Variants in EML4 observed in about 807,000 individuals in gnomAD.
The protein encoded by EML4 is EMAP like 4.
In EML4, 72 loss-of-function variants were observed where a neutral mutation model predicts 129.0. The observed-to-expected ratio is 0.56, with a 90% CI of 0.46 to 0.68. The LOEUF is 0.68. Ranked by LOEUF, EML4 falls within the 30% of genes least tolerant of loss-of-function variation. The probability of loss-of-function intolerance (pLI) is 0.00; values close to 1 mark genes in which losing one functional copy is unlikely to be tolerated. For synonymous variants in EML4, 532 were observed against 405.0 expected (o/e 1.31, Z -3.77); for missense variants, 1,363 against 1,190.6 (o/e 1.14, Z -2.13).
At chr2:42,195,054 A>G (rs960953231) in intron 1 of EML4, among the ~76,000 whole-genome samples, 3 of 152,192 alleles carry the variant, frequency 2.0e-5, no homozygotes, top group African/African-American at 4.8e-5. Context: ...AAGTAGTTGC[A>G]TGGTTAGCTA....
chr2:42,246,687 G>T (rs537539306), intron 2 of EML4, among the ~76,000 whole-genome samples: 1 of 152,310 alleles, frequency 6.6e-6, no homozygotes, highest in East Asian at 1.9e-4. Context: ...AAGAATTTGG[G>T]AATGTTCCTC....
At chr2:42,270,671 G>A (rs1199636372) in intron 6 of EML4, among the ~76,000 whole-genome samples, 1 of 152,194 alleles carries the variant, frequency 6.6e-6, no homozygotes, top group South Asian at 2.1e-4. Context: ...TATTGAGAGG[G>A]TGTATATTGT....
intron 11 of EML4, among the ~76,000 whole-genome samples, chr2:42,293,144 C>T (rs576241337): frequency 3.9e-5 from 6 of 151,928 alleles, no homozygotes; most frequent in African/African-American, 1.4e-4. Flanking sequence ...GGGTCTCACG[C>T]GTCACCCAGG....
chr2:42,284,614 T>C lies in EML4; in HGVS notation c.942-20T>C, dbSNP rs6544530. 2.3e-3 allele frequency: 3,609 copies of C among 1,589,818 alleles called. 62 individuals carry two copies. The African/African-American group carries it at 0.04, about 18-fold the overall frequency. ...TTCATGTTTCCTGTGTTTAAAATCA[T>C]TCTTAATACTGCTTTTTAGCCTTGC... On this transcript the variant is annotated intron_variant, in intron 8 of 22. Coordinates refer to ENST00000318522, the MANE Select transcript of EML4 (RefSeq NM_019063.5).
chr2:42,298,717 T>C (rs1303788266), intron 13 of EML4, among the ~76,000 whole-genome samples: 1 of 152,134 alleles, frequency 6.6e-6, no homozygotes, highest in East Asian at 1.9e-4. Flanking sequence ...CAGTTTTCCA[T>C]CATTCTGGGA....
rs1670023638 is a variant in EML4, at chr2:42,330,084, G to A, written c.2823G>A (p.Glu941=). 1 of 1,613,050 alleles carries A rather than the reference G, an allele frequency of 6.2e-7. No homozygotes were observed. Among genetic ancestry groups the A allele is most frequent in the South Asian group, 1.1e-5 (1 of 90,996 alleles). Residue 941 remains glutamate (E), a synonymous_variant, in exon 23 of 23, where the codon GAG becomes GAA. Transcript: ENST00000318522. ...VEPSEDHSEE[E]SEEGSGDLGE... ...CAAGTGAAGACCACAGCGAGGAGGAGAGTGAAGAGGGCAGCGGAGACCTTG... is the reference window on the plus strand; with the variant it reads ...CAAGTGAAGACCACAGCGAGGAGGAAAGTGAAGAGGGCAGCGGAGACCTTG...
At chr2:42,198,322 A>T (rs1357645749) in intron 1 of EML4, among the ~76,000 whole-genome samples, 1 of 152,126 alleles carries the variant, frequency 6.6e-6, no homozygotes, top group Admixed American at 6.6e-5. Flanking sequence ...TGTATGATTG[A>T]CCTAATGTCT....
In EML4 at chr2:42,304,557, G is replaced by A. The variant is rs763385705; in HGVS notation, c.1967+6G>A. Reference sequence around the variant, plus strand: ...ATAGGAACGCACTCAGGCAGGTAGGGTCTTTAAGTGAACTGAGTAATCTGA... The same window carrying A: ...ATAGGAACGCACTCAGGCAGGTAGGATCTTTAAGTGAACTGAGTAATCTGA... On this transcript the variant is annotated splice_donor_region_variant and intron_variant, in intron 17 of 22. Coordinates refer to ENST00000318522, the MANE Select transcript of EML4 (RefSeq NM_019063.5). 2 of 1,610,288 alleles carry A rather than the reference G, an allele frequency of 1.2e-6. No individual in the cohort carries two copies. The highest frequency in any genetic ancestry group is 1.1e-5 in the South Asian group (1 of 90,970).
intron 11 of EML4, 194 bp downstream of exon 11, chr2:42,288,516 A>C (rs571733945): frequency 3.5e-4 from 119 of 336,464 alleles, no homozygotes; most frequent in African/African-American, 2.4e-3. Flanking sequence ...TAAAATAGTC[A>C]AGCAACTTGA....
At chr2:42,227,875 A>G (rs1324454432) in intron 1 of EML4, among the ~76,000 whole-genome samples, 3 of 152,188 alleles carry the variant, frequency 2.0e-5, no homozygotes, top group Non-Finnish European at 2.9e-5. Context: ...GTTATCAGTA[A>G]GGCTTCCGGT....
intron 14 of EML4, 78 bp downstream of exon 14, chr2:42,301,470 C>G (rs745484015): frequency 8.8e-7 from 1 of 1,138,950 alleles, no homozygotes; most frequent in East Asian, 3.0e-5. Flanking sequence ...ATAACTTATA[C>G]TTTTCTGGCA....
At chr2:42,227,342 A>T (rs369392189) in intron 1 of EML4, among the ~76,000 whole-genome samples, 13 of 152,078 alleles carry the variant, frequency 8.5e-5, no homozygotes, top group African/African-American at 3.1e-4. Flanking sequence ...GCTGGCCTCA[A>T]GCAATGCTCC....
intron 1 of EML4, among the ~76,000 whole-genome samples, chr2:42,218,094 A>G (rs577271147): frequency 1.6e-4 from 25 of 152,178 alleles, no homozygotes; most frequent in Non-Finnish European, 3.2e-4. Flanking sequence ...TGGGTGAGTG[A>G]GCAAAGCTTC....
chr2:42,328,333 C>T (rs2286702), intron 21 of EML4, among the ~76,000 whole-genome samples: 19,236 of 152,110 alleles, frequency 0.13, 1,212 homozygotes, highest in East Asian at 0.17. Context: ...TTAAATTTGA[C>T]GTGTCTTATC....
intron 1 of EML4, among the ~76,000 whole-genome samples, chr2:42,228,747 G>C (rs1339062296): frequency 1.3e-5 from 2 of 152,174 alleles, no homozygotes; most frequent in Non-Finnish European, 2.9e-5. Flanking sequence ...GTCAGGACAA[G>C]TGTTGTATTG....
chr2:42,276,528 C>G (rs1666667822), intron 6 of EML4, among the ~76,000 whole-genome samples: 1 of 152,156 alleles, frequency 6.6e-6, no homozygotes, highest in Admixed American at 6.5e-5. Context: ...CGGACAGTCA[C>G]TTTAAAGCTT....
In EML4 at chr2:42,286,100, G is replaced by A. The variant is rs1176452836; in HGVS notation, c.1012-169G>A. The stretch of plus-strand genomic sequence containing the variant: ...TTGCTGCTATTTTCTTATTTTCACA[G>A]TATAAGAAAATACCTACTTAAGATT... On this transcript the variant is annotated intron_variant, in intron 9 of 22. Transcript: ENST00000318522. The A allele has an allele frequency of 4.6e-6, 3 of 651,806 alleles. No individual in the cohort carries two copies. The East Asian group carries it at 8.2e-5, about 18-fold the overall frequency. 40.4% of individuals were successfully genotyped at this position (651,806 alleles called of 1,614,324 possible). A position where few individuals can be genotyped will look rare whatever the true frequency, so the allele number is the denominator to read the frequency against.
At chr2:42,246,614 A>G (rs1675415762) in intron 2 of EML4, among the ~76,000 whole-genome samples, 1 of 152,206 alleles carries the variant, frequency 6.6e-6, no homozygotes, top group Non-Finnish European at 1.5e-5. Flanking sequence ...TGGTATGTAG[A>G]GATACATATT....
intron 3 of EML4, among the ~76,000 whole-genome samples, chr2:42,259,271 C>A (rs746140457): frequency 1.3e-5 from 2 of 151,018 alleles, no homozygotes; most frequent in African/African-American, 4.9e-5. Flanking sequence ...GGGAGGGGGG[C>A]GGCAGAGAAA....
Sources: gnomAD v4.1 joint callset for allele counts (sites outside exome capture counted in the v4.1 genomes callset) on GRCh38, gnomAD v4.1.1 for gene constraint, MANE v1.5 for transcripts, NCBI Gene and HGNC (gene_info 2026-07-23, HGNC 2026-07-21) for gene names.